IL1R1: variants seen among roughly 807,000 people sequenced by gnomAD.
The protein encoded by IL1R1 is interleukin 1 receptor type 1.
Under a neutral mutation model 50.2 loss-of-function variants are expected in IL1R1, and 22 were observed. The observed-to-expected ratio is 0.44, with a 90% confidence interval of 0.31 to 0.63. The LOEUF is 0.63. IL1R1 is among the 20% of genes least tolerant of loss of function. IL1R1 has a pLI of 0.07. For synonymous variants in IL1R1, 251 were observed against 236.7 expected (o/e 1.06, Z -0.55); for missense variants, 509 against 676.2 (o/e 0.75, Z 2.74).
At chr2:102,094,460 C>T (rs1679812858) in intron 1 of IL1R1, among the ~76,000 whole-genome samples, 1 of 152,168 alleles carries the variant, frequency 6.6e-6, no homozygotes, top group African/African-American at 2.4e-5. Flanking sequence ...CAAATATGTT[C>T]CTACATGAGA....
chr2:102,164,380 T>G (rs1684987066), intron 3 of IL1R1, among the ~76,000 whole-genome samples: 1 of 152,208 alleles, frequency 6.6e-6, no homozygotes, highest in Non-Finnish European at 1.5e-5. Flanking sequence ...CTTTGTTTTC[T>G]GATGTTCAAT....
chr2:102,151,212 C>A (rs1234259728), intron 1 of IL1R1, among the ~76,000 whole-genome samples: 1 of 152,144 alleles, frequency 6.6e-6, no homozygotes, highest in Non-Finnish European at 1.5e-5. Flanking sequence ...ACTCTTTCGA[C>A]AGCCATCTGG....
At chr2:102,091,747 C>T (rs891867032) in intron 1 of IL1R1, among the ~76,000 whole-genome samples, 1 of 152,110 alleles carries the variant, frequency 6.6e-6, no homozygotes, top group African/African-American at 2.4e-5. Flanking sequence ...ATGTTTTTAC[C>T]CATTGACCAA....
At chr2:102,078,562 TCACA>T (rs35407722) in intron 1 of IL1R1, among the ~76,000 whole-genome samples, 6,221 of 104,054 alleles carry the variant, frequency 0.06, 175 homozygotes, top group African/African-American at 0.091. Context: ...TCAAAAAACT[TCACA>T]CACACACACA....
At chr2:102,094,792 G>T (rs772721542) in intron 1 of IL1R1, among the ~76,000 whole-genome samples, 1 of 151,850 alleles carries the variant, frequency 6.6e-6, no homozygotes, top group Non-Finnish European at 1.5e-5. Context: ...TTCTTATCAG[G>T]TTTTCTTTTA....
chr2:102,113,455 C>A (rs1452841771), intron 1 of IL1R1, among the ~76,000 whole-genome samples: 1 of 152,186 alleles, frequency 6.6e-6, no homozygotes, highest in Non-Finnish European at 1.5e-5. Flanking sequence ...GTCATGTATA[C>A]CAATAACATA....
rs2104597124 is a variant in IL1R1 at position 102,168,683 on chromosome 2, G to A, written c.721+20G>A. The A allele has an allele frequency of 6.3e-7, 1 of 1,578,140 alleles. No individual in the cohort carries two copies. The highest frequency in any genetic ancestry group is 8.6e-7 in the Non-Finnish European group (1 of 1,157,862). ...ACTTGGGTAAGTGGGCTTCAGTGAG[G>A]GTATGCTGGAATCGGTTTTTTTTTT... is the stretch of plus-strand genomic sequence containing the variant. On this transcript the variant is annotated intron_variant, in intron 7 of 11. Coordinates refer to ENST00000410023, the MANE Select transcript of IL1R1 (RefSeq NM_000877.4).
chr2:102,178,446 T>A lies in IL1R1; in HGVS notation c.*1687T>A, dbSNP rs1304604572. 1.3e-5 allele frequency: 2 copies of A among 152,234 alleles called. No individual in the cohort carries two copies. Among genetic ancestry groups the A allele is most frequent in the African/African-American group, 4.8e-5 (2 of 41,454 alleles). 9.4% of individuals were successfully genotyped at this position (152,234 alleles called of 1,614,324 possible). On this transcript the variant is annotated 3_prime_UTR_variant, in exon 12 of 12. Coordinates refer to ENST00000410023, the MANE Select transcript of IL1R1 (RefSeq NM_000877.4). ...TCTTATTTAATTTTTGCAATTATTCTAATTTTATATATAGAGAAAGTGACC... is the reference window on the plus strand; with the variant it reads ...TCTTATTTAATTTTTGCAATTATTCAAATTTTATATATAGAGAAAGTGACC...
upstream of IL1R1, among the ~76,000 whole-genome samples, chr2:102,140,943 T>C (rs548584457): frequency 5.3e-5 from 8 of 152,342 alleles, no homozygotes; most frequent in African/African-American, 1.9e-4. Context: ...TAGGAGTGGC[T>C]GAACGGGGAC....
chr2:102,105,662 C>T lies in IL1R1; in HGVS notation c.-84+790C>T, dbSNP rs531883609. ...TACAGGCATGAGCCACCACGCCTGG[C>T]CTGAATGTGCTATGTTATTAATGGC... On this transcript the variant is annotated intron_variant, in intron 1 of 10. Coordinates refer to the IL1R1 transcript ENST00000409329. Among the ~76,000 whole-genome samples the T allele has an allele frequency of 5.9e-5, 9 of 152,296 alleles. No homozygotes were observed. In the East Asian group the frequency reaches 1.5e-3, roughly 26 times the overall value.
intron 1 of IL1R1, among the ~76,000 whole-genome samples, chr2:102,090,997 A>G (rs1679643136): frequency 6.6e-6 from 1 of 152,184 alleles, no homozygotes. Context: ...AGAATTTTCC[A>G]TTTTAGTAAA....
chr2:102,086,636 G>A (rs1679442842), intron 1 of IL1R1, among the ~76,000 whole-genome samples: 5 of 151,702 alleles, frequency 3.3e-5, no homozygotes, highest in Admixed American at 3.3e-4. Context: ...TTTCAACTGT[G>A]TAAAAAACTC....
At chr2:102,169,289 G>T (rs1409578916) in intron 7 of IL1R1, among the ~76,000 whole-genome samples, 2 of 152,170 alleles carry the variant, frequency 1.3e-5, no homozygotes, top group Non-Finnish European at 2.9e-5. Flanking sequence ...AGTAAAGAAA[G>T]AACCCCACAA....
At chr2:102,110,950 G>A (rs1437850362) in intron 1 of IL1R1, among the ~76,000 whole-genome samples, 1 of 152,132 alleles carries the variant, frequency 6.6e-6, no homozygotes, top group South Asian at 2.1e-4. Context: ...GGGACGGCTC[G>A]AGGTGGAGTG....
At chr2:102,130,064 A>G (rs572414586) in intron 1 of IL1R1, among the ~76,000 whole-genome samples, 5 of 152,328 alleles carry the variant, frequency 3.3e-5, no homozygotes, top group Admixed American at 6.5e-5. Context: ...TGTTCTGGAA[A>G]TCTCTTTAAT....
rs756199093 is a variant in IL1R1, at chr2:102,175,540, A to G, written c.1198A>G (p.Thr400Ala). The G allele has an allele frequency of 1.2e-5, 20 of 1,613,324 alleles. No homozygotes were observed. Among genetic ancestry groups the G allele is most frequent in the Middle Eastern group, 1.6e-4 (1 of 6,082 alleles). ...TCCAAAGACTGTTGGGGAAGGGTCT[A>G]CCTCTGACTGTGATATTTTTGTGTT... Reference protein sequence around the residue: ...LYPKTVGEGSTSDCDIFVFKV... With the variant: ...LYPKTVGEGSASDCDIFVFKV... The change falls in exon 11 of 12, where the codon ACC becomes GCC. Residue 400 changes from threonine to alanine, a missense_variant. By Grantham distance (58) the Thr-to-Ala change is moderately conservative. Transcript: ENST00000410023.
intron 1 of IL1R1, among the ~76,000 whole-genome samples, chr2:102,123,180 G>T (rs558913778): frequency 1.8e-4 from 27 of 152,298 alleles, no homozygotes; most frequent in African/African-American, 6.5e-4. Context: ...AAAGGATAAT[G>T]TAATAAAATG....
chr2:102,081,938 T>G (rs890931295), intron 1 of IL1R1, among the ~76,000 whole-genome samples: 7 of 152,216 alleles, frequency 4.6e-5, no homozygotes, highest in African/African-American at 1.7e-4. Context: ...TTAAAGAAGT[T>G]AAAACATGGG....
At chr2:102,117,970 T>G (rs1434855704) in intron 1 of IL1R1, among the ~76,000 whole-genome samples, 1 of 150,198 alleles carries the variant, frequency 6.7e-6, no homozygotes, top group Non-Finnish European at 1.5e-5. Context: ...TGTATATATA[T>G]ATACACATAT....
Sources: gnomAD v4.1 joint callset for allele counts (sites outside exome capture counted in the v4.1 genomes callset) on GRCh38, gnomAD v4.1.1 for gene constraint, MANE v1.5 for transcripts, NCBI Gene and HGNC (gene_info 2026-07-23, HGNC 2026-07-21) for gene names.